PALM2AKAP2: variants seen among roughly 807,000 people sequenced by gnomAD.
PALM2AKAP2 encodes the protein PALM2 and AKAP2 fusion, also known as PALM2-AKAP2 fusion protein.
A neutral mutation model predicts 71.5 loss-of-function variants in PALM2AKAP2; 37 were observed. The observed-to-expected ratio is 0.52, with a 90% CI of 0.40 to 0.68. The LOEUF (loss-of-function observed/expected upper bound fraction) is 0.68, where lower values mean the gene tolerates loss of function less well. Among genes scored for constraint, PALM2AKAP2 ranks in the 30% least tolerant of loss-of-function variants. PALM2AKAP2 has a pLI of 0.00. For synonymous variants in PALM2AKAP2, 468 were observed against 478.8 expected (o/e 0.98, Z 0.29); for missense variants, 1,224 against 1,191.8 (o/e 1.03, Z -0.40).
At chr9:110,149,949 A>T (rs528614779) in intron 2 of PALM2AKAP2, among the ~76,000 whole-genome samples, 1 of 152,248 alleles carries the variant, frequency 6.6e-6, no homozygotes, top group South Asian at 2.1e-4. Context: ...CAAAAGGAGG[A>T]TTGAGACCAG....
chr9:109,735,379 GC>G (rs1828614911), intron 1 of PALM2AKAP2, among the ~76,000 whole-genome samples: 1 of 151,760 alleles, frequency 6.6e-6, no homozygotes, highest in Non-Finnish European at 1.5e-5. Context: ...TCTCTGAGGG[GC>G]TCTGGGAGGT....
In PALM2AKAP2 at chr9:109,975,042, A is replaced by G. The variant is rs59907068; in HGVS notation, c.497-40912A>G. ...TTCAGAAAATATCACAAAGCCAAAT[A>G]TATATGTATCTGCACGTGCACACAC... On this transcript the variant is annotated intron_variant, in intron 6 of 9. Transcript: ENST00000302798. 2.9e-3 allele frequency among the ~76,000 whole-genome samples: 440 copies of G among 151,418 alleles called. 2 individuals are homozygous for G. The highest frequency in any genetic ancestry group is 1.0e-2 in the African/African-American group (412 of 41,294).
exon 4 of PALM2AKAP2, chr9:110,168,744 T>C (rs1836794936): frequency 8.9e-6 from 4 of 447,664 alleles, no homozygotes; most frequent in Non-Finnish European, 1.6e-5. Flanking sequence ...AGTGTCTGGT[T>C]TGGGGCCAAT....
intron 3 of PALM2AKAP2, among the ~76,000 whole-genome samples, chr9:109,882,897 A>G (rs1204827511): frequency 6.6e-6 from 1 of 151,514 alleles, no homozygotes; most frequent in African/African-American, 2.4e-5. Context: ...GATTCTTCCC[A>G]CTCAGTCTCC....
intron 5 of PALM2AKAP2, among the ~76,000 whole-genome samples, chr9:109,927,342 C>T (rs185461272): frequency 2.0e-5 from 3 of 152,234 alleles, no homozygotes; most frequent in East Asian, 1.9e-4. Flanking sequence ...TCAAAGGCCC[C>T]GAGTTGCCAA....
At chr9:110,170,321 G>A (rs1165718153) in exon 4 of PALM2AKAP2, 3 of 152,080 alleles carry the variant, frequency 2.0e-5, no homozygotes, top group African/African-American at 7.3e-5. Flanking sequence ...TTTTTATATT[G>A]TTATGTCATA....
chr9:109,778,466 A>C (rs1300988014), upstream of PALM2AKAP2, among the ~76,000 whole-genome samples: 1 of 152,242 alleles, frequency 6.6e-6, no homozygotes, highest in African/African-American at 2.4e-5. Flanking sequence ...TGAAGAAAAA[A>C]GGATGCATTT....
chr9:109,877,116 C>A (rs2131741165), intron 2 of PALM2AKAP2, among the ~76,000 whole-genome samples: 1 of 152,296 alleles, frequency 6.6e-6, no homozygotes, highest in Admixed American at 6.5e-5. Flanking sequence ...TCCATGGCTG[C>A]TTTTCCAGAA....
At chr9:110,138,034 G>A (rs1453259042) in exon 2 of PALM2AKAP2, 7 of 1,613,426 alleles carry the variant, frequency 4.3e-6, no homozygotes, top group Middle Eastern at 1.7e-4. Context: ...ATGGAGCAGA[G>A]CAACAGGGAC....
chr9:110,009,241 G>T (rs1229390875), intron 6 of PALM2AKAP2, among the ~76,000 whole-genome samples: 1 of 152,124 alleles, frequency 6.6e-6, no homozygotes, highest in Non-Finnish European at 1.5e-5. Context: ...CTCTCCCTCT[G>T]AGGCTTTGAC....
intron 1 of PALM2AKAP2, among the ~76,000 whole-genome samples, chr9:110,068,165 G>T (rs1834125777): frequency 7.2e-6 from 1 of 138,878 alleles, no homozygotes; most frequent in South Asian, 2.3e-4. Flanking sequence ...AACATGGAAT[G>T]TGTAATCCTT....
intron 1 of PALM2AKAP2, among the ~76,000 whole-genome samples, chr9:110,130,149 A>G (rs1835702321): frequency 1.3e-5 from 2 of 152,238 alleles, no homozygotes; most frequent in African/African-American, 4.8e-5. Flanking sequence ...TCAGTGTAAA[A>G]TGGCTTAATA....
intron 1 of PALM2AKAP2, among the ~76,000 whole-genome samples, chr9:109,659,178 ATAGGTT>A (rs1362694820): frequency 6.6e-6 from 1 of 152,220 alleles, no homozygotes; most frequent in Admixed American, 6.5e-5. Context: ...GCTTCAGAGA[ATAGGTT>A]AAACCAAACT....
At chr9:109,962,136 A>T (rs1311743422) in intron 6 of PALM2AKAP2, among the ~76,000 whole-genome samples, 1 of 152,220 alleles carries the variant, frequency 6.6e-6, no homozygotes, top group Non-Finnish European at 1.5e-5. Flanking sequence ...TCCTGAACAC[A>T]TTACTGCACA....
chr9:110,132,032 CGTGTGTGTGTGTGTGT>C (rs3063946), intron 1 of PALM2AKAP2, among the ~76,000 whole-genome samples: 5 of 147,538 alleles, frequency 3.4e-5, no homozygotes, highest in South Asian at 4.4e-4. Flanking sequence ...AAGTAACTAG[CGTGTGTGTGTGTGTGT>C]GTGTGTGTGT....
intron 1 of PALM2AKAP2, among the ~76,000 whole-genome samples, chr9:109,763,332 T>C (rs1223731276): frequency 3.9e-5 from 6 of 152,278 alleles, no homozygotes; most frequent in African/African-American, 1.4e-4. Context: ...TCCATAGAGC[T>C]GAGACCACGG....
rs753811759 is a variant in PALM2AKAP2 at position 109,867,486 on chromosome 9, T to G, written c.46-5T>G. On this transcript the variant is annotated splice_polypyrimidine_tract_variant and splice_region_variant and intron_variant, in intron 1 of 9. Transcript: ENST00000302798. Reference sequence around the variant, plus strand: ...TCTTACAGCCTCTGTCTCTTTATTTTCAAGGAAAAAAGAAAGAGGCAGACT... The same window carrying G: ...TCTTACAGCCTCTGTCTCTTTATTTGCAAGGAAAAAAGAAAGAGGCAGACT... 2 of 1,610,766 alleles carry G rather than the reference T, an allele frequency of 1.2e-6. No homozygotes were observed. The highest frequency in any genetic ancestry group is 1.1e-5 in the South Asian group (1 of 90,866).
intron 1 of PALM2AKAP2, among the ~76,000 whole-genome samples, chr9:109,827,586 G>A (rs1224776080): frequency 3.9e-5 from 6 of 152,138 alleles, no homozygotes; most frequent in African/African-American, 1.4e-4. Flanking sequence ...TCCAGCCTGG[G>A]CGACAGAGTG....
intron 1 of PALM2AKAP2, among the ~76,000 whole-genome samples, chr9:109,723,007 C>T (rs1435862075): frequency 1.3e-5 from 2 of 152,142 alleles, no homozygotes; most frequent in East Asian, 1.9e-4. Flanking sequence ...ACCCAACTCG[C>T]GTTTTCTGGA....
Sources: gnomAD v4.1 joint callset for allele counts (sites outside exome capture counted in the v4.1 genomes callset) on GRCh38, gnomAD v4.1.1 for gene constraint, MANE v1.5 for transcripts, NCBI Gene and HGNC (gene_info 2026-07-23, HGNC 2026-07-21) for gene names.